POMGNT1: variants seen among roughly 807,000 people sequenced by gnomAD.
The protein encoded by POMGNT1 is protein O-linked mannose N-acetylglucosaminyltransferase 1 (beta 1,2-).
Under a neutral mutation model 95.6 loss-of-function variants are expected in POMGNT1, and 67 were observed. That is an observed-to-expected ratio of 0.70 (90% confidence interval 0.58 to 0.86). The LOEUF (loss-of-function observed/expected upper bound fraction) is 0.86, where lower values mean the gene tolerates loss of function less well. Ranked by LOEUF, POMGNT1 falls within the 40% of genes least tolerant of loss-of-function variation. The pLI is 0.00. For missense variants in POMGNT1, 719 were observed against 855.2 expected, an observed-to-expected ratio of 0.84 and a Z score of 1.99; for synonymous variants, 298 against 317.9, an observed-to-expected ratio of 0.94 and a Z score of 0.66.
Position 46,193,338 on chromosome 1 carries a change from A to G in POMGNT1, c.1077T>C (p.Thr359=), listed in dbSNP as rs886042244. ...CGCGGGCATTCTTGATGCTGATGGG[A>G]GTATGCTGGATGCCCCTCAGACCAA... is the stretch of plus-strand genomic sequence containing the variant. ...ALFGLRGIQH[T]PISIKNARVS... Residue 359 remains threonine (T), a synonymous_variant, in exon 12 of 22, where the codon ACT becomes ACC. Transcript: ENST00000371984. 4.8e-5 allele frequency: 77 copies of G among 1,613,516 alleles called. No homozygotes were observed. The highest frequency in any genetic ancestry group is 8.8e-5 in the South Asian group (8 of 90,944).
intron 1 of POMGNT1, among the ~76,000 whole-genome samples, chr1:46,215,225 C>CA (rs35554687): frequency 0.013 from 975 of 75,466 alleles, 15 homozygotes; most frequent in African/African-American, 0.03. Context: ...AACTCTGTCT[C>CA]AAAAAAAAAA....
chr1:46,216,584 C>G (rs1300768387), intron 1 of POMGNT1, among the ~76,000 whole-genome samples: 1 of 152,132 alleles, frequency 6.6e-6, no homozygotes, highest in Admixed American at 6.6e-5. Flanking sequence ...TCAAGTGATC[C>G]TCCTCTCTTG....
chr1:46,193,353 C>A lies in POMGNT1; in HGVS notation c.1062G>T (p.Arg354Ser). The change falls in exon 12 of 22, where the codon AGG (arginine) becomes AGT (serine). Residue 354 changes from arginine (R) to serine (S), a missense_variant. Physicochemically the swap from Arg to Ser is moderately radical, Grantham distance 110 (BLOSUM62 -1). This residue lies in a region of POMGNT1 where 466 missense variants were observed against 517.4 expected (regional missense o/e 0.90). Coordinates refer to ENST00000371984, the MANE Select transcript of POMGNT1 (RefSeq NM_017739.4). ...TGCTGATGGGAGTATGCTGGATGCC[C>A]CTCAGACCAAACAGTGCCACCACAT... is the stretch of plus-strand genomic sequence containing the variant. The part of the protein sequence containing the change: ...PMDVVALFGL[R>S]GIQHTPISIK... 1 of 1,613,348 alleles carries A rather than the reference C, an allele frequency of 6.2e-7. No individual in the cohort carries two copies. The highest frequency in any genetic ancestry group is 8.5e-7 in the Non-Finnish European group (1 of 1,179,714).
rs1168602477 is a variant in POMGNT1 at position 46,189,481 on chromosome 1, C to G, written c.1872G>C (p.Val624=). 2 of 1,613,656 alleles carry G rather than the reference C, an allele frequency of 1.2e-6. No individual in the cohort carries two copies. The highest frequency in any genetic ancestry group is 2.2e-5 in the South Asian group (2 of 90,934). Residue 624 remains valine (V), a synonymous_variant, in exon 21 of 22, where the codon GTG becomes GTC. Coordinates refer to ENST00000371984, the MANE Select transcript of POMGNT1 (RefSeq NM_017739.4). ...LFRKKNHFLM[V]GVPASPYSVK... ...ACGAGTAGGGGGAAGCCGGGACCCC[C>G]ACCATCAGGAAGTGGTTCTTCTTCC...
intron 1 of POMGNT1, among the ~76,000 whole-genome samples, chr1:46,211,613 A>G (rs1658898634): frequency 6.6e-6 from 1 of 152,212 alleles, no homozygotes; most frequent in Non-Finnish European, 1.5e-5. Flanking sequence ...TCGATGTCTC[A>G]TGACAAACCT....
chr1:46,192,591 C>T lies in POMGNT1; in HGVS notation c.1212-1G>A, dbSNP rs1553163254. 1 of 1,613,968 alleles carries T rather than the reference C, an allele frequency of 6.2e-7. No individual in the cohort carries two copies. Among genetic ancestry groups the T allele is most frequent in the Non-Finnish European group, 8.5e-7 (1 of 1,179,994 alleles). ...TAGGTGGATGGATTGGCTCAGGAAA[C>T]TGAGAGAGGCAGGGTCAAAGAGTTC... On this transcript the variant is annotated splice_acceptor_variant, in intron 14 of 21. Coordinates refer to ENST00000371984, the MANE Select transcript of POMGNT1 (RefSeq NM_017739.4). LOFTEE classifies it high-confidence loss of function.
intron 2 of POMGNT1, 100 bp downstream of exon 2, chr1:46,197,602 T>G: frequency 6.3e-7 from 1 of 1,583,980 alleles, no homozygotes; most frequent in Non-Finnish European, 8.7e-7. Context: ...GCTGCCCCTT[T>G]CCCACTGGGG....
intron 13 of POMGNT1, 83 bp downstream of exon 13, chr1:46,193,091 A>G: frequency 6.2e-7 from 1 of 1,606,758 alleles, no homozygotes; most frequent in East Asian, 2.2e-5. Flanking sequence ...CAGTGAGGGG[A>G]AGAGCTTGCC....
intron 9 of POMGNT1, 47 bp from the exon 10 acceptor site, chr1:46,193,972 C>A (rs1458617701): frequency 6.2e-7 from 1 of 1,608,942 alleles, no homozygotes; most frequent in Non-Finnish European, 8.5e-7. Flanking sequence ...CCCCTTCAAA[C>A]TGGGATCCCC....
intron 1 of POMGNT1, among the ~76,000 whole-genome samples, chr1:46,216,326 A>G (rs1659067883): frequency 1.3e-5 from 2 of 152,014 alleles, no homozygotes; most frequent in South Asian, 4.2e-4. Flanking sequence ...GATTACAGGC[A>G]TGAGCCACCA....
exon 1 of POMGNT1, chr1:46,219,992 T>A: frequency 6.2e-7 from 1 of 1,614,180 alleles, no homozygotes; most frequent in Non-Finnish European, 8.5e-7. Flanking sequence ...CACCTGGGGC[T>A]CCACGTTCCG....
chr1:46,213,009 GTCC>G (rs979315713), intron 1 of POMGNT1, among the ~76,000 whole-genome samples: 1 of 151,908 alleles, frequency 6.6e-6, no homozygotes, highest in African/African-American at 2.4e-5. Context: ...CTAGTGATCT[GTCC>G]TCCTCAGCTT....
chr1:46,215,213 A>C (rs1438966883), intron 1 of POMGNT1, among the ~76,000 whole-genome samples: 1 of 147,528 alleles, frequency 6.8e-6, no homozygotes, highest in Non-Finnish European at 1.5e-5. Flanking sequence ...GCGACACAAC[A>C]AAACTCTGTC....
Position 46,196,001 on chromosome 1 carries a change from T to TA in POMGNT1, c.420+10dup. On this transcript the variant is annotated intron_variant, in intron 5 of 21. Transcript: ENST00000371984. The surrounding 1 kb of genome is among the most constrained non-coding windows in gnomAD (Gnocchi z 4.4). ...TCCAGCCCTCTGGGTCACCCACCCCTAGAAACTCACCGTGGCCTGGTTGAG... is the reference window on the plus strand; with the variant it reads ...TCCAGCCCTCTGGGTCACCCACCCCTAAGAAACTCACCGTGGCCTGGTTGAG... The TA allele has an allele frequency of 6.2e-7, 1 of 1,614,052 alleles. No homozygotes were observed. The highest frequency in any genetic ancestry group is 8.5e-7 in the Non-Finnish European group (1 of 1,180,004).
rs1455418443 is a variant in POMGNT1, at chr1:46,216,250, G to A, written c.-51+3455C>T. Among the ~76,000 whole-genome samples, 3 of 152,032 alleles carry A rather than the reference G, an allele frequency of 2.0e-5. No homozygotes were observed. In the East Asian group the frequency reaches 5.8e-4, roughly 30 times the overall value. ...TTTAGTAGAGACGGGGTTTCACCGTGTTAGCCAGGATGGTCTCTATCTCCT... is the reference window on the plus strand; with the variant it reads ...TTTAGTAGAGACGGGGTTTCACCGTATTAGCCAGGATGGTCTCTATCTCCT... On this transcript the variant is annotated intron_variant, in intron 1 of 22. Coordinates refer to the POMGNT1 transcript ENST00000371992.
upstream of POMGNT1, chr1:46,198,492 G>C (rs1175057859): frequency 6.6e-6 from 1 of 150,804 alleles, no homozygotes; most frequent in South Asian, 1.8e-4. Context: ...GCTGCCGCGG[G>C]GTGAGAGGGC....
Position 46,219,930 on chromosome 1 carries a change from A to G in POMGNT1, c.-276T>C, listed in dbSNP as rs779596819. 1.5e-5 allele frequency: 25 copies of G among 1,614,124 alleles called. 1 individual carries two copies. The highest frequency in any genetic ancestry group is 1.5e-4 in the South Asian group (14 of 91,096). On this transcript the variant is annotated 5_prime_UTR_variant, in exon 1 of 23. Transcript: ENST00000371992. Reference sequence around the variant, plus strand: ...CACCGACCGGCTGGACAGTGTCTCTATTGGCAGCTTCCTGGACACAGTGGC... The same window carrying G: ...CACCGACCGGCTGGACAGTGTCTCTGTTGGCAGCTTCCTGGACACAGTGGC...
At chr1:46,193,995 C>G in intron 9 of POMGNT1, 70 bp from the exon 10 acceptor site, 11 of 1,596,990 alleles carry the variant, frequency 6.9e-6, no homozygotes, top group Non-Finnish European at 9.4e-6. Context: ...CTAGGGAAGA[C>G]TTCTCAGGTG....
At chr1:46,217,394 G>T (rs1239719329) in intron 1 of POMGNT1, among the ~76,000 whole-genome samples, 2 of 144,736 alleles carry the variant, frequency 1.4e-5, no homozygotes, top group Non-Finnish European at 3.1e-5. Context: ...TAATTCTAAG[G>T]ATAAAATGTT....
Sources: gnomAD v4.1 joint callset for allele counts (sites outside exome capture counted in the v4.1 genomes callset) on GRCh38, gnomAD v4.1.1 for gene constraint, gnomAD v4.1.1 regional missense constraint, Gnocchi (gnomAD v3.1) non-coding constraint, MANE v1.5 for transcripts, NCBI Gene and HGNC (gene_info 2026-07-23, HGNC 2026-07-21) for gene names.